ERBB4: variants seen among roughly 807,000 people sequenced by gnomAD.
The protein encoded by ERBB4 is receptor tyrosine-protein kinase erbB-4.
ERBB4 carries 42 observed loss-of-function variants against 158.0 expected under a neutral mutation model. The ratio of observed to expected loss-of-function variants is 0.27; its 90% CI spans 0.21 to 0.34. The LOEUF is 0.34. Ranked by LOEUF, ERBB4 falls within the 10% of genes least tolerant of loss-of-function variation. The probability of loss-of-function intolerance (pLI) is 1.00; values close to 1 mark genes in which losing one functional copy is unlikely to be tolerated. For synonymous variants in ERBB4, 583 were observed against 558.7 expected, an observed-to-expected ratio of 1.04 and a Z score of -0.61; for missense variants, 1,333 against 1,624.1, an observed-to-expected ratio of 0.82 and a Z score of 3.08.
intron 17 of ERBB4, among the ~76,000 whole-genome samples, chr2:211,629,435 T>C (rs1243333523): frequency 1.3e-5 from 2 of 152,064 alleles, no homozygotes; most frequent in Non-Finnish European, 1.5e-5. Context: ...TGCTCATGGG[T>C]AGGAAGAATC....
intron 1 of ERBB4, among the ~76,000 whole-genome samples, chr2:212,467,858 C>A (rs1341194940): frequency 6.6e-6 from 1 of 152,198 alleles, no homozygotes; most frequent in East Asian, 1.9e-4. Flanking sequence ...CCCATGAAAG[C>A]AGCTGGAAGG....
At chr2:211,554,314 T>C (rs1325752159) in intron 20 of ERBB4, among the ~76,000 whole-genome samples, 1 of 152,236 alleles carries the variant, frequency 6.6e-6, no homozygotes, top group Non-Finnish European at 1.5e-5. Context: ...TAATGAGCCA[T>C]ATCTGCTAGA....
intron 1 of ERBB4, among the ~76,000 whole-genome samples, chr2:212,392,537 A>C (rs2090908073): frequency 6.6e-6 from 1 of 152,082 alleles, no homozygotes; most frequent in South Asian, 2.1e-4. Context: ...GCTAGGTAAC[A>C]AAGATATACA....
At chr2:212,020,809 G>A (rs967257317) in intron 2 of ERBB4, among the ~76,000 whole-genome samples, 1 of 152,030 alleles carries the variant, frequency 6.6e-6, no homozygotes, top group Non-Finnish European at 1.5e-5. Context: ...CAGAAACAAA[G>A]TCTTCTTTCA....
intron 7 of ERBB4, among the ~76,000 whole-genome samples, chr2:211,716,473 G>A (rs2073910329): frequency 1.3e-5 from 2 of 149,778 alleles, no homozygotes; most frequent in Non-Finnish European, 1.5e-5. Flanking sequence ...TCAGGAGATC[G>A]AGACCATCCC....
chr2:212,066,411 C>T (rs1243296214), intron 2 of ERBB4, among the ~76,000 whole-genome samples: 5 of 151,792 alleles, frequency 3.3e-5, no homozygotes, highest in African/African-American at 1.2e-4. Flanking sequence ...TTTGTAAGGA[C>T]CCCGGGAAGT....
intron 1 of ERBB4, among the ~76,000 whole-genome samples, chr2:212,474,884 G>C (rs1174690064): frequency 7.8e-6 from 1 of 128,290 alleles, no homozygotes; most frequent in African/African-American, 3.3e-5. Flanking sequence ...CCTCCTGATG[G>C]GCTCAAGGAT....
intron 1 of ERBB4, among the ~76,000 whole-genome samples, chr2:212,173,316 C>T (rs2081573671): frequency 6.6e-6 from 1 of 152,018 alleles, no homozygotes; most frequent in Admixed American, 6.6e-5. Context: ...CAGGTGACTA[C>T]TCTGAAAAGG....
intron 2 of ERBB4, among the ~76,000 whole-genome samples, chr2:211,996,996 C>T (rs1264886788): frequency 6.6e-6 from 1 of 152,144 alleles, no homozygotes; most frequent in African/African-American, 2.4e-5. Flanking sequence ...GTTTGTGATA[C>T]CTCTCTGGAC....
At chr2:212,106,102 A>G (rs1295132613) in intron 2 of ERBB4, among the ~76,000 whole-genome samples, 1 of 152,186 alleles carries the variant, frequency 6.6e-6, no homozygotes, top group Non-Finnish European at 1.5e-5. Context: ...AGAGTGGGGC[A>G]CTGCTGAAAA....
chr2:211,426,580 A>G (rs1422036868), intron 22 of ERBB4, among the ~76,000 whole-genome samples: 1 of 152,126 alleles, frequency 6.6e-6, no homozygotes, highest in East Asian at 1.9e-4. Flanking sequence ...GAAAAATGTT[A>G]CACCCTGAGT....
intron 3 of ERBB4, among the ~76,000 whole-genome samples, chr2:211,794,324 C>T (rs1230294204): frequency 6.6e-6 from 1 of 151,864 alleles, no homozygotes; most frequent in Non-Finnish European, 1.5e-5. Context: ...ACACTGATTA[C>T]CCGAGCCACT....
At chr2:211,762,311 A>G (rs1297319913) in intron 4 of ERBB4, among the ~76,000 whole-genome samples, 1 of 152,212 alleles carries the variant, frequency 6.6e-6, no homozygotes, top group African/African-American at 2.4e-5. Flanking sequence ...CATAGCAGAC[A>G]AAGACAAGCG....
intron 1 of ERBB4, among the ~76,000 whole-genome samples, chr2:212,470,350 T>C (rs1206221574): frequency 1.3e-5 from 2 of 152,058 alleles, no homozygotes; most frequent in Non-Finnish European, 2.9e-5. Flanking sequence ...ATACGTGCCT[T>C]ATTTGAGGAA....
intron 20 of ERBB4, among the ~76,000 whole-genome samples, chr2:211,456,574 T>C (rs1468774556): frequency 1.3e-5 from 2 of 152,140 alleles, no homozygotes; most frequent in African/African-American, 2.4e-5. Context: ...TATATATACA[T>C]ATATACGTAT....
chr2:212,062,754 G>A (rs2077819952), intron 2 of ERBB4, among the ~76,000 whole-genome samples: 1 of 152,020 alleles, frequency 6.6e-6, no homozygotes, highest in Non-Finnish European at 1.5e-5. Flanking sequence ...AATCAATTGA[G>A]CTGTTAGTTT....
chr2:212,418,009 TG>T (rs201493342), intron 1 of ERBB4, among the ~76,000 whole-genome samples: 5,043 of 152,044 alleles, frequency 0.033, 136 homozygotes, highest in Non-Finnish European at 0.054. Context: ...AGAGCTTCCC[TG>T]TAAGGATACA....
chr2:212,188,248 C>CTCTCTCTCTCT (rs2082086170), intron 1 of ERBB4, among the ~76,000 whole-genome samples: 1 of 75,538 alleles, frequency 1.3e-5, no homozygotes, highest in Non-Finnish European at 3.0e-5. Flanking sequence ...CCCCCTCTCA[C>CTCTCTCTCTCT]CCCCTCCCTC....
intron 2 of ERBB4, among the ~76,000 whole-genome samples, chr2:211,988,223 T>C (rs111522617): frequency 3.3e-5 from 5 of 152,214 alleles, no homozygotes; most frequent in African/African-American, 1.2e-4. Flanking sequence ...CTATTGTTAT[T>C]AAAGGCACGG....
Sources: allele counts gnomAD v4.1 joint callset (sites outside exome capture counted in the v4.1 genomes callset), GRCh38; gene constraint gnomAD v4.1.1; transcripts MANE v1.5; gene names NCBI Gene and HGNC (gene_info 2026-07-23, HGNC 2026-07-21).